The following TENM1 variants were observed in gnomAD, a reference collection of about 807,000 sequenced individuals.
The protein encoded by TENM1 is teneurin transmembrane protein 1.
A neutral mutation model predicts 174.8 loss-of-function variants in TENM1; 35 were observed. That is an observed-to-expected ratio of 0.20 (90% confidence interval 0.15 to 0.27). TENM1 has a LOEUF of 0.27. Among genes scored for constraint, TENM1 ranks in the 10% least tolerant of loss-of-function variants. TENM1 has a pLI of 1.00. For synonymous variants in TENM1, 781 were observed against 798.7 expected (o/e 0.98, Z 0.37); for missense variants, 1,633 against 2,130.1 (o/e 0.77, Z 4.59).
the TENM1 span, among the ~76,000 whole-genome samples, chrX:125,119,864 C>T: frequency 9.1e-4 from 101 of 111,275 alleles, 1 homozygote; most frequent in South Asian, 0.037. Flanking sequence ...CTTATAATTG[C>T]GTGGGTAGTA....
rs907375768 is a variant in TENM1 at position 124,708,624 on chromosome X, G to A, written c.777-3373C>T. Among the ~76,000 whole-genome samples, 6 of 110,824 alleles carry A rather than the reference G, an allele frequency of 5.4e-5. No homozygotes were observed. The East Asian group carries it at 8.4e-4, about 16-fold the overall frequency. On this transcript the variant is annotated intron_variant, in intron 4 of 31. Transcript: ENST00000422452. ...GTACTACACAATCATTACAAATTGC[G>A]TGGCAAATGACTGTCTATTCACTGG...
intron 18 of TENM1, among the ~76,000 whole-genome samples, chrX:124,508,636 G>A (rs1428591411): frequency 1.8e-5 from 2 of 112,187 alleles, no homozygotes; most frequent in African/African-American, 6.5e-5. Flanking sequence ...ATCCAGGAGT[G>A]AGACAGCTAT....
the TENM1 span, among the ~76,000 whole-genome samples, chrX:125,178,494 G>C: frequency 9.1e-6 from 1 of 110,133 alleles, no homozygotes; most frequent in Non-Finnish European, 1.9e-5. Flanking sequence ...CTCAACCTTA[G>C]AGAGATAGAT....
chrX:125,060,717 T>C, the TENM1 span, among the ~76,000 whole-genome samples: 72 of 110,568 alleles, frequency 6.5e-4, no homozygotes, highest in Non-Finnish European at 8.9e-4. Flanking sequence ...CTGGCTAGAA[T>C]ACTCACGAGG....
At chrX:124,956,467 A>G (rs992326362) in intron 1 of TENM1, among the ~76,000 whole-genome samples, 9 of 112,162 alleles carry the variant, frequency 8.0e-5, no homozygotes, top group Non-Finnish European at 1.5e-4. Context: ...AAAGAGCATC[A>G]TGATTAATTA....
chrX:125,119,567 T>C, the TENM1 span, among the ~76,000 whole-genome samples: 1 of 110,322 alleles, frequency 9.1e-6, no homozygotes, highest in Admixed American at 9.7e-5. Flanking sequence ...AATTCCCCAA[T>C]GTACTTATTG....
the TENM1 span, among the ~76,000 whole-genome samples, chrX:125,113,679 G>A: frequency 9.0e-6 from 1 of 110,834 alleles, no homozygotes; most frequent in African/African-American, 3.3e-5. Flanking sequence ...ATTACATAAT[G>A]GTAAAGGGAT....
At chrX:124,815,949 G>A (rs902563218) in intron 3 of TENM1, among the ~76,000 whole-genome samples, 2 of 111,775 alleles carry the variant, frequency 1.8e-5, no homozygotes, top group African/African-American at 6.5e-5. Context: ...AGTTTCTTTA[G>A]GGGTTAAGTA....
At chrX:124,413,669 C>T (rs1224855993) in intron 25 of TENM1, among the ~76,000 whole-genome samples, 1 of 112,287 alleles carries the variant, frequency 8.9e-6, no homozygotes, top group Non-Finnish European at 1.9e-5. Flanking sequence ...GCATAAAGCA[C>T]AAGGAGAGGT....
chrX:124,690,841 G>A (rs765645877), intron 5 of TENM1, among the ~76,000 whole-genome samples: 3 of 110,419 alleles, frequency 2.7e-5, no homozygotes, highest in Non-Finnish European at 5.7e-5. Flanking sequence ...GGCCCTCACC[G>A]GATGCAGATC....
rs190560704 is a variant in TENM1 at position 124,593,490 on chromosome X, A to C, written c.2078-27930T>G. On this transcript the variant is annotated intron_variant, in intron 11 of 31. Coordinates refer to ENST00000422452, the Ensembl canonical transcript of TENM1. ...GCGGCACCTCAATTTATGTCCGTGA[A>C]GGGTGAGGCGGCTCAGGCTGCTAGT... 3.6e-5 allele frequency among the ~76,000 whole-genome samples: 4 copies of C among 111,284 alleles called. No homozygotes were observed. In the East Asian group the frequency reaches 1.2e-3, roughly 32 times the overall value.
intron 5 of TENM1, among the ~76,000 whole-genome samples, chrX:124,677,250 T>C (rs1481733005): frequency 9.0e-6 from 1 of 111,283 alleles, no homozygotes; most frequent in Non-Finnish European, 1.9e-5. Flanking sequence ...CACAAAGAGA[T>C]ATGATGTTTC....
intron 22 of TENM1, among the ~76,000 whole-genome samples, chrX:124,481,099 T>A (rs1569534014): frequency 9.0e-6 from 1 of 111,605 alleles, no homozygotes; most frequent in Non-Finnish European, 1.9e-5. Flanking sequence ...AAGGCCAAAC[T>A]CCCACAGAAG....
chrX:124,425,995 G>GGTGTGTGT (rs200141105), intron 23 of TENM1, among the ~76,000 whole-genome samples: 145 of 88,014 alleles, frequency 1.6e-3, no homozygotes, highest in African/African-American at 5.6e-3. Flanking sequence ...CAAAAGGACT[G>GGTGTGTGT]GTGTGTGTGT....
chrX:125,035,087 T>C, the TENM1 span, among the ~76,000 whole-genome samples: 1 of 112,053 alleles, frequency 8.9e-6, no homozygotes, highest in Non-Finnish European at 1.9e-5. Context: ...GCTTCTATTT[T>C]CCAGATAAAT....
At chrX:124,866,932 C>A (rs1443347275) in intron 3 of TENM1, among the ~76,000 whole-genome samples, 1 of 110,717 alleles carries the variant, frequency 9.0e-6, no homozygotes, top group Non-Finnish European at 1.9e-5. Context: ...TATAACCTAC[C>A]AAGATTGAAC....
At chrX:125,038,036 C>A in the TENM1 span, among the ~76,000 whole-genome samples, 1 of 111,374 alleles carries the variant, frequency 9.0e-6, no homozygotes, top group Non-Finnish European at 1.9e-5. Context: ...AATAACAGAG[C>A]CTCACAGTCC....
Position 124,645,011 on chromosome X carries a change from T to C in TENM1, c.1876+132A>G, listed in dbSNP as rs139697511. On this transcript the variant is annotated intron_variant, in intron 10 of 31. Transcript: ENST00000422452. ...AGCTCCGCTGACCCAAACCCTCTGC[T>C]GCATGTACTAAGACGCTGAGCATTT... 2.7e-4 allele frequency: 154 copies of C among 562,386 alleles called. No individual in the cohort carries two copies. In the East Asian group the frequency reaches 5.3e-3, roughly 19 times the overall value. 46.3% of individuals were successfully genotyped at this position (562,386 alleles called of 1,213,427 possible).
chrX:124,846,430 A>G (rs1413929644), intron 3 of TENM1, among the ~76,000 whole-genome samples: 1 of 111,363 alleles, frequency 9.0e-6, no homozygotes, highest in Non-Finnish European at 1.9e-5. Flanking sequence ...GTTCCCCATC[A>G]ATACAATTTA....
Sources: gnomAD v4.1 joint callset for allele counts (sites outside exome capture counted in the v4.1 genomes callset) on GRCh38, gnomAD v4.1.1 for gene constraint, MANE v1.5 for transcripts, NCBI Gene and HGNC (gene_info 2026-07-23, HGNC 2026-07-21) for gene names.